BRWD3: variants seen among roughly 807,000 people sequenced by gnomAD.
BRWD3 encodes bromodomain and WD repeat domain containing 3.
Under a neutral mutation model 149.7 loss-of-function variants are expected in BRWD3, and 10 were observed. The ratio of observed to expected loss-of-function variants is 0.07; its 90% CI spans 0.04 to 0.11. The LOEUF is 0.11. BRWD3 is among the 10% of genes least tolerant of loss of function. The pLI is 1.00. For missense variants in BRWD3, 940 were observed against 1,373.2 expected, an observed-to-expected ratio of 0.68 and a Z score of 4.99; for synonymous variants, 504 against 456.7, an observed-to-expected ratio of 1.10 and a Z score of -1.32.
chrX:80,802,464 A>AT (rs1361891620), intron 4 of BRWD3, among the ~76,000 whole-genome samples: 11 of 107,394 alleles, frequency 1.0e-4, no homozygotes, highest in Non-Finnish European at 1.3e-4. Context: ...AAAAAAAAAA[A>AT]AAAATTAAAA....
At chrX:80,753,035 C>G (rs2073690021) in intron 6 of BRWD3, among the ~76,000 whole-genome samples, 1 of 111,513 alleles carries the variant, frequency 9.0e-6, no homozygotes, top group African/African-American at 3.3e-5. Context: ...ATGTCTTTAA[C>G]CACTTGTTAA....
In BRWD3 at chrX:80,688,134, A is replaced by C. The variant is rs764849926; in HGVS notation, c.3808-9T>G. Reference sequence around the variant, plus strand: ...TCAACAATTTCTGTATCCTTAATTAAAAAGGAAGAGTGGGAAAAGACGTTA... The same window carrying C: ...TCAACAATTTCTGTATCCTTAATTACAAAGGAAGAGTGGGAAAAGACGTTA... On this transcript the variant is annotated splice_polypyrimidine_tract_variant and intron_variant, in intron 33 of 40. Coordinates refer to ENST00000373275, the MANE Select transcript of BRWD3 (RefSeq NM_153252.5). 1 of 1,184,028 alleles carries C rather than the reference A, an allele frequency of 8.4e-7. No individual in the cohort carries two copies. The highest frequency in any genetic ancestry group is 1.8e-5 in the South Asian group (1 of 56,322).
intron 4 of BRWD3, among the ~76,000 whole-genome samples, chrX:80,798,626 A>G (rs761365522): frequency 2.0e-4 from 16 of 80,112 alleles, no homozygotes; most frequent in East Asian, 9.2e-4. Context: ...TAATACGGGG[A>G]AAAAAAAAAA....
chrX:80,723,625 A>T, intron 16 of BRWD3, 123 bp downstream of exon 16: 1 of 764,868 alleles, frequency 1.3e-6, no homozygotes, highest in East Asian at 3.4e-5. Flanking sequence ...TAAGAAAGAC[A>T]ACTTTCTTTT....
chrX:80,728,877 T>C lies in BRWD3; in HGVS notation c.1261A>G (p.Ile421Val), dbSNP rs2073286362. 1 of 1,208,053 alleles carries C rather than the reference T, an allele frequency of 8.3e-7. No individual in the cohort carries two copies. The highest frequency in any genetic ancestry group is 1.1e-6 in the Non-Finnish European group (1 of 893,491). Residue 421 changes from isoleucine (I) to valine (V), a missense_variant, in exon 14 of 41, where the codon ATC becomes GTC. Transcript: ENST00000373275. The part of the protein sequence containing the change: ...GNNLPSGEDK[I>V]TKLKVTMVAW... ...ACCATAGTCACCTTAAGTTTAGTGA[T>C]CTTGTCTTCTCCAGATGGCAAATTA...
At chrX:80,771,517 A>G (rs2073943515) in intron 6 of BRWD3, among the ~76,000 whole-genome samples, 1 of 112,145 alleles carries the variant, frequency 8.9e-6, no homozygotes, top group African/African-American at 3.2e-5. Context: ...TCCCTGTTTA[A>G]TAAATGGTGC....
At chrX:80,746,431 TA>T (rs1325601536) in intron 6 of BRWD3, among the ~76,000 whole-genome samples, 3 of 108,354 alleles carry the variant, frequency 2.8e-5, no homozygotes, top group Non-Finnish European at 3.8e-5. Context: ...TGCATTTTCT[TA>T]AAAAAAAAGC....
chrX:80,732,593 A>G (rs982411262), intron 12 of BRWD3, among the ~76,000 whole-genome samples: 7 of 111,325 alleles, frequency 6.3e-5, no homozygotes, highest in African/African-American at 1.3e-4. Flanking sequence ...GGAGAGAGAG[A>G]GAAAGAGGTT....
chrX:80,737,761 G>C (rs987866238), intron 8 of BRWD3, among the ~76,000 whole-genome samples: 11 of 112,668 alleles, frequency 9.8e-5, no homozygotes, highest in African/African-American at 3.2e-4. Flanking sequence ...CTTGAAGCCA[G>C]AAGGCAGAGG....
chrX:80,725,115 G>C (rs1192015619), intron 14 of BRWD3, 48 bp from the exon 15 acceptor site: 2 of 1,167,248 alleles, frequency 1.7e-6, no homozygotes, highest in Non-Finnish European at 2.3e-6. Flanking sequence ...GAAATGTTTG[G>C]TTCATTTGGT....
chrX:80,721,461 G>A (rs184355373), intron 17 of BRWD3, among the ~76,000 whole-genome samples: 28 of 109,569 alleles, frequency 2.6e-4, no homozygotes, highest in African/African-American at 8.5e-4. Context: ...AAAAGGACGT[G>A]CAGCATTTCA....
At position 80,707,321 on chromosome X, in the gene BRWD3, C is replaced by G. The variant is rs1418247801; in HGVS notation, c.2552+106G>C. On this transcript the variant is annotated intron_variant, in intron 22 of 40. Transcript: ENST00000373275. ...CGGCTTCCAGCCAATACCTTTTCTA[C>G]TATAAAACACTATTTTAATTCTGGT... The G allele has an allele frequency of 1.0e-5, 8 of 777,889 alleles. No individual in the cohort carries two copies. The Admixed American group carries it at 2.2e-4, about 21-fold the overall frequency. The allele number at this position is 777,889 out of a possible 1,213,427, so 64.1% of individuals were successfully genotyped here.
chrX:80,677,406 T>C, intron 40 of BRWD3, 43 bp from the exon 41 acceptor site: 1 of 1,171,884 alleles, frequency 8.5e-7, no homozygotes, highest in Non-Finnish European at 1.1e-6. Context: ...GCTTTGACAT[T>C]GACAAAATGG....
At position 80,707,420 on chromosome X, in the gene BRWD3, A is replaced by C. The variant is rs752596914; in HGVS notation, c.2552+7T>G. The C allele has an allele frequency of 8.8e-5, 106 of 1,202,761 alleles. No individual in the cohort carries two copies. Among genetic ancestry groups the C allele is most frequent in the Non-Finnish European group, 7.9e-6 (7 of 888,366 alleles). ...AATTTTGACCAAATTAAAACCATTAAAACTACCTGGAAGAACTTTCACTTT... is the reference window on the plus strand; with the variant it reads ...AATTTTGACCAAATTAAAACCATTACAACTACCTGGAAGAACTTTCACTTT... On this transcript the variant is annotated splice_region_variant and intron_variant, in intron 22 of 40. Coordinates refer to ENST00000373275, the MANE Select transcript of BRWD3 (RefSeq NM_153252.5).
At chrX:80,738,024 T>C (rs758204123) in intron 8 of BRWD3, among the ~76,000 whole-genome samples, 1 of 112,610 alleles carries the variant, frequency 8.9e-6, no homozygotes, top group African/African-American at 3.2e-5. Flanking sequence ...TTGTATGACA[T>C]GCTAAGCCTA....
intron 6 of BRWD3, among the ~76,000 whole-genome samples, chrX:80,756,549 T>C (rs2073742655): frequency 9.2e-6 from 1 of 108,775 alleles, no homozygotes; most frequent in Admixed American, 9.9e-5. Context: ...CACTCTCTTT[T>C]GCATGTATTC....
intron 3 of BRWD3, among the ~76,000 whole-genome samples, 177 bp from the exon 4 acceptor site, chrX:80,808,775 A>T (rs867680365): frequency 4.7e-5 from 1 of 21,309 alleles, no homozygotes; most frequent in African/African-American, 1.7e-4. Context: ...GGGGGGGGGA[A>T]GGGGGGTCGA....
At chrX:80,702,886 G>A (rs1156555320) in intron 24 of BRWD3, among the ~76,000 whole-genome samples, 2 of 111,351 alleles carry the variant, frequency 1.8e-5, no homozygotes, top group African/African-American at 6.5e-5. Context: ...TAGTATATCA[G>A]ACAATATCCA....
At chrX:80,788,692 G>C (rs2074142580) in intron 6 of BRWD3, among the ~76,000 whole-genome samples, 1 of 111,916 alleles carries the variant, frequency 8.9e-6, no homozygotes, top group Non-Finnish European at 1.9e-5. Flanking sequence ...ATTTATAATA[G>C]CTTTATCCAT....
Sources: allele counts gnomAD v4.1 joint callset (sites outside exome capture counted in the v4.1 genomes callset), GRCh38; gene constraint gnomAD v4.1.1; transcripts MANE v1.5; gene names NCBI Gene and HGNC (gene_info 2026-07-23, HGNC 2026-07-21).